PGM5: variants seen among roughly 807,000 people sequenced by gnomAD.
PGM5 encodes the protein phosphoglucomutase-like protein 5.
A neutral mutation model predicts 59.2 loss-of-function variants in PGM5; 23 were observed. The ratio of observed to expected loss-of-function variants is 0.39; its 90% confidence interval spans 0.28 to 0.55. PGM5 has a LOEUF of 0.55. Ranked by LOEUF, PGM5 falls within the 20% of genes least tolerant of loss-of-function variation. PGM5 has a pLI of 0.66. For missense variants in PGM5, 574 were observed against 748.3 expected (o/e 0.77, Z 2.72); for synonymous variants, 214 against 286.0 (o/e 0.75, Z 2.54).
chr9:68,443,193 TA>T (rs1323912003), intron 6 of PGM5, among the ~76,000 whole-genome samples: 1 of 152,254 alleles, frequency 6.6e-6, no homozygotes, highest in Non-Finnish European at 1.5e-5. Context: ...ACTCAGCAAT[TA>T]AACAGAAGTA....
At chr9:68,370,731 A>T (rs1554677092) in intron 1 of PGM5, among the ~76,000 whole-genome samples, 1 of 152,240 alleles carries the variant, frequency 6.6e-6, no homozygotes, top group Non-Finnish European at 1.5e-5. Context: ...TCATTTATGG[A>T]TGAAAAAGCC....
At chr9:68,474,832 G>A (rs1261306884) in intron 7 of PGM5, among the ~76,000 whole-genome samples, 1 of 150,486 alleles carries the variant, frequency 6.6e-6, no homozygotes, top group African/African-American at 2.5e-5. Flanking sequence ...GTTATTCAAT[G>A]CTAAAAAGAC....
At chr9:68,417,614 T>TA (rs1320382393) in intron 6 of PGM5, among the ~76,000 whole-genome samples, 12 of 152,164 alleles carry the variant, frequency 7.9e-5, no homozygotes, top group African/African-American at 2.9e-4. Flanking sequence ...TGTTGGAGAT[T>TA]AGTACATTAC....
At chr9:68,503,406 A>G (rs764415027) in intron 10 of PGM5, among the ~76,000 whole-genome samples, 6 of 152,234 alleles carry the variant, frequency 3.9e-5, no homozygotes, top group Non-Finnish European at 7.3e-5. Context: ...ATCTCATGAA[A>G]TGAATACTGT....
At chr9:68,364,338 T>G (rs1215737042) in intron 1 of PGM5, among the ~76,000 whole-genome samples, 2 of 152,200 alleles carry the variant, frequency 1.3e-5, no homozygotes, top group Non-Finnish European at 2.9e-5. Context: ...ACTAGAACTA[T>G]CTGGGGAACA....
intron 2 of PGM5, among the ~76,000 whole-genome samples, chr9:68,379,748 G>C (rs1187355205): frequency 6.6e-6 from 1 of 152,014 alleles, no homozygotes; most frequent in Non-Finnish European, 1.5e-5. Flanking sequence ...TGAAAGTAAA[G>C]GGATAGAAGG....
At chr9:68,468,582 GT>G (rs1554686032) in intron 7 of PGM5, among the ~76,000 whole-genome samples, 1 of 152,160 alleles carries the variant, frequency 6.6e-6, no homozygotes, top group Non-Finnish European at 1.5e-5. Context: ...CAGGCATTGT[GT>G]TGGATGGTGT....
intron 3 of PGM5, 83 bp from the exon 4 acceptor site, chr9:68,387,380 T>C: frequency 8.5e-7 from 1 of 1,179,988 alleles, no homozygotes; most frequent in Non-Finnish European, 1.2e-6. Flanking sequence ...TTTCATGCTC[T>C]TAAGGTAGTG....
intron 9 of PGM5, among the ~76,000 whole-genome samples, chr9:68,496,364 G>A (rs1554688150): frequency 6.6e-6 from 1 of 152,218 alleles, no homozygotes; most frequent in African/African-American, 2.4e-5. Flanking sequence ...CAGACATGGT[G>A]CTGGGATTGT....
At chr9:68,416,246 C>T (rs1441172443) in intron 6 of PGM5, among the ~76,000 whole-genome samples, 3 of 152,114 alleles carry the variant, frequency 2.0e-5, no homozygotes, top group Non-Finnish European at 4.4e-5. Flanking sequence ...AAAGGGAGTC[C>T]ATCTAAGAAG....
chr9:68,423,368 G>T (rs183711424), intron 6 of PGM5, among the ~76,000 whole-genome samples: 28 of 152,028 alleles, frequency 1.8e-4, no homozygotes, highest in African/African-American at 6.3e-4. Flanking sequence ...CCTGTTCACC[G>T]CATCCACACC....
intron 1 of PGM5, among the ~76,000 whole-genome samples, 170 bp from the exon 2 acceptor site, chr9:68,378,029 T>C (rs1319782493): frequency 6.6e-6 from 1 of 151,772 alleles, no homozygotes; most frequent in African/African-American, 2.4e-5. Flanking sequence ...AGACATTAGA[T>C]AGGAGAGACA....
At chr9:68,399,829 A>G (rs1822621058) in intron 6 of PGM5, among the ~76,000 whole-genome samples, 1 of 152,188 alleles carries the variant, frequency 6.6e-6, no homozygotes, top group Non-Finnish European at 1.5e-5. Flanking sequence ...TAGACAACTC[A>G]AATTTAACAT....
chr9:68,516,814 G>A (rs1479560784), intron 10 of PGM5, among the ~76,000 whole-genome samples: 1 of 152,160 alleles, frequency 6.6e-6, no homozygotes, highest in Non-Finnish European at 1.5e-5. Context: ...GCTGGGTTGA[G>A]TGGAGACAGT....
rs2506660 is a variant in PGM5 at position 68,414,214 on chromosome 9, C to T, written c.1043+21741C>T. On this transcript the variant is annotated intron_variant, in intron 6 of 10. Coordinates refer to ENST00000396396, the MANE Select transcript of PGM5 (RefSeq NM_021965.4). ...GAGCAGATGCTGGCACCAGGCTTCC[C>T]GTATAGCCCGCAGAACCATGAGCTA... Among the ~76,000 whole-genome samples, 8 of 152,226 alleles carry T rather than the reference C, an allele frequency of 5.3e-5. No individual in the cohort carries two copies. The South Asian group carries it at 1.0e-3, about 20-fold the overall frequency.
At chr9:68,375,176 G>A (rs3953668) in intron 1 of PGM5, among the ~76,000 whole-genome samples, 1 of 152,110 alleles carries the variant, frequency 6.6e-6, no homozygotes, top group African/African-American at 2.4e-5. Context: ...GAGAGCAGGG[G>A]AGAAGTGTCC....
chr9:68,490,664 A>G (rs868925867), intron 9 of PGM5, among the ~76,000 whole-genome samples: 46 of 152,286 alleles, frequency 3.0e-4, no homozygotes, highest in African/African-American at 9.4e-4. Flanking sequence ...CTCAACTTCA[A>G]CTTTGATCAC....
chr9:68,491,979 G>T (rs1241627860), intron 9 of PGM5, among the ~76,000 whole-genome samples: 1 of 152,216 alleles, frequency 6.6e-6, no homozygotes, highest in Non-Finnish European at 1.5e-5. Flanking sequence ...GATTGCTTTA[G>T]AACTATTGTC....
intron 1 of PGM5, among the ~76,000 whole-genome samples, chr9:68,375,798 T>C (rs1445102777): frequency 2.0e-5 from 3 of 152,204 alleles, no homozygotes; most frequent in African/African-American, 7.2e-5. Flanking sequence ...CATAGTATTA[T>C]ATAGGGCTGT....
Sources: allele counts gnomAD v4.1 joint callset (sites outside exome capture counted in the v4.1 genomes callset), GRCh38; gene constraint gnomAD v4.1.1; transcripts MANE v1.5; gene names NCBI Gene and HGNC (gene_info 2026-07-23, HGNC 2026-07-21).